SNX29: variants seen among roughly 807,000 people sequenced by gnomAD.
SNX29 encodes the protein sorting nexin-29.
Under a neutral mutation model 102.1 loss-of-function variants are expected in SNX29, and 78 were observed. That is an observed-to-expected ratio of 0.76 (90% CI 0.64 to 0.92). The LOEUF (loss-of-function observed/expected upper bound fraction) is 0.92, where lower values mean the gene tolerates loss of function less well. Among genes scored for constraint, SNX29 ranks in the 40% least tolerant of loss-of-function variants. SNX29 has a pLI of 0.00. For synonymous variants in SNX29, 580 were observed against 414.5 expected, an observed-to-expected ratio of 1.40 and a Z score of -4.85; for missense variants, 1,280 against 1,061.7, an observed-to-expected ratio of 1.21 and a Z score of -2.86.
chr16:12,566,969 C>T (rs572226966), intron 20 of SNX29, among the ~76,000 whole-genome samples: 13 of 152,348 alleles, frequency 8.5e-5, no homozygotes, highest in East Asian at 3.9e-4. Flanking sequence ...GGATCTCACT[C>T]GCACAGTGGC....
intron 20 of SNX29, among the ~76,000 whole-genome samples, chr16:12,557,143 C>T (rs1422684164): frequency 6.6e-6 from 1 of 152,010 alleles, no homozygotes; most frequent in East Asian, 1.9e-4. Flanking sequence ...GTCACTGCCC[C>T]TGGTCACAAT....
At chr16:12,320,467 C>G (rs574233578) in intron 15 of SNX29, among the ~76,000 whole-genome samples, 1 of 152,314 alleles carries the variant, frequency 6.6e-6, no homozygotes, top group African/African-American at 2.4e-5. Context: ...CCATCATCAG[C>G]CCCAAGCTGT....
At chr16:12,528,982 T>A (rs1304481830) in intron 20 of SNX29, among the ~76,000 whole-genome samples, 2 of 152,228 alleles carry the variant, frequency 1.3e-5, no homozygotes, top group Admixed American at 6.5e-5. Context: ...TCACACACAC[T>A]CTTCCATTTT....
At position 12,572,403 on chromosome 16, in the gene SNX29, G is replaced by C; in HGVS notation, c.*3774G>C. On this transcript the variant is annotated 3_prime_UTR_variant, in exon 21 of 21. Coordinates refer to ENST00000566228, the MANE Select transcript of SNX29 (RefSeq NM_032167.5). ...GCTTATATCCCAACAGCCTGAGGCA[G>C]GGCTCTGTGGCCCAGGCCGGCAGTG... 1.9e-6 allele frequency: 2 copies of C among 1,063,610 alleles called. No individual in the cohort carries two copies. The highest frequency in any genetic ancestry group is 2.3e-6 in the Non-Finnish European group (2 of 878,180). 65.9% of individuals were successfully genotyped at this position (1,063,610 alleles called of 1,614,324 possible). A position where few individuals can be genotyped will look rare whatever the true frequency, so the allele number is the denominator to read the frequency against.
chr16:12,552,838 A>G (rs892180882), intron 20 of SNX29, among the ~76,000 whole-genome samples: 7 of 152,186 alleles, frequency 4.6e-5, no homozygotes, highest in African/African-American at 1.4e-4. Context: ...CTGACCTGCC[A>G]GAGAGGAGAG....
chr16:12,571,640 TGAAAGACGACTCAGGAACGG>T lies in SNX29; in HGVS notation c.*3012_*3031del. 5.7e-6 allele frequency: 6 copies of T among 1,058,900 alleles called. No homozygotes were observed. Among genetic ancestry groups the T allele is most frequent in the Non-Finnish European group, 6.9e-6 (6 of 875,412 alleles). 65.6% of individuals were successfully genotyped at this position (1,058,900 alleles called of 1,614,324 possible). On this transcript the variant is annotated 3_prime_UTR_variant, in exon 21 of 21. Coordinates refer to ENST00000566228, the MANE Select transcript of SNX29 (RefSeq NM_032167.5). ...TTCACATCTTTTTTTCTCCCCCAGA[TGAAAGACGACTCAGGAACGG>T]TAGGGCTGGGCAGAGGTGTCTCTCC...
rs1477440302 is a variant in SNX29 at position 12,573,393 on chromosome 16, A to G, written c.*4764A>G. On this transcript the variant is annotated 3_prime_UTR_variant, in exon 21 of 21. Transcript: ENST00000566228. ...AAGTTGCGTATCCTTCCTTATAGCT[A>G]GTTTCTATAGAGAAGTGAAAAAGAA... 1 of 223,602 alleles carries G rather than the reference A, an allele frequency of 4.5e-6. No individual in the cohort carries two copies. The highest frequency in any genetic ancestry group is 8.9e-6 in the Non-Finnish European group (1 of 112,242). The allele number at this position is 223,602 out of a possible 1,614,324, so 13.9% of individuals were successfully genotyped here. A position where few individuals can be genotyped will look rare whatever the true frequency, so the allele number is the denominator to read the frequency against.
intron 5 of SNX29, among the ~76,000 whole-genome samples, chr16:12,043,507 A>T (rs777703231): frequency 6.6e-6 from 1 of 151,924 alleles, no homozygotes. Context: ...AGCGTACGCC[A>T]CCATGCCTGG....
At chr16:12,054,867 CT>C (rs1338223032) in intron 8 of SNX29, among the ~76,000 whole-genome samples, 1 of 152,182 alleles carries the variant, frequency 6.6e-6, no homozygotes, top group East Asian at 1.9e-4. Flanking sequence ...AATGTTTCCC[CT>C]TTTGTTGGGT....
chr16:12,215,653 C>T (rs555478455), intron 14 of SNX29, among the ~76,000 whole-genome samples: 1 of 152,266 alleles, frequency 6.6e-6, no homozygotes, highest in South Asian at 2.1e-4. Flanking sequence ...TAGTTGGGTG[C>T]ACTTAATTAG....
intron 13 of SNX29, among the ~76,000 whole-genome samples, chr16:12,138,232 G>A (rs2054734897): frequency 1.4e-5 from 2 of 147,278 alleles, no homozygotes; most frequent in Non-Finnish European, 1.5e-5. Context: ...TTTTGAGGTG[G>A]AGTCTCACTC....
intron 15 of SNX29, among the ~76,000 whole-genome samples, chr16:12,355,641 C>T (rs2082108704): frequency 6.6e-6 from 1 of 151,978 alleles, no homozygotes; most frequent in African/African-American, 2.4e-5. Context: ...TGACTATAGA[C>T]CATCTGTAGT....
intron 13 of SNX29, among the ~76,000 whole-genome samples, chr16:12,182,027 G>A (rs1473806113): frequency 6.6e-6 from 1 of 152,020 alleles, no homozygotes; most frequent in Non-Finnish European, 1.5e-5. Context: ...AGGACTACAG[G>A]CATGCGCCAC....
chr16:12,539,256 C>G (rs537641305), intron 20 of SNX29, among the ~76,000 whole-genome samples: 1 of 152,198 alleles, frequency 6.6e-6, no homozygotes, highest in South Asian at 2.1e-4. Flanking sequence ...AGCTGTTTTC[C>G]CCTCATTTCC....
intron 14 of SNX29, among the ~76,000 whole-genome samples, chr16:12,264,063 A>G (rs11644788): frequency 0.6 from 90,859 of 152,094 alleles, 27,622 homozygotes; most frequent in Middle Eastern, 0.65. Flanking sequence ...ATGTTAACCT[A>G]CGAGAAAGGT....
chr16:12,277,043 A>G (rs2079273577), intron 14 of SNX29, among the ~76,000 whole-genome samples: 1 of 152,136 alleles, frequency 6.6e-6, no homozygotes, highest in Admixed American at 6.6e-5. Flanking sequence ...AGCAGGCCCT[A>G]CCTCACTGGA....
In SNX29 at chr16:12,398,454, A is replaced by G. The variant is rs763763295; in HGVS notation, c.1908A>G (p.Gly636=). ...CCTTCTCCTGATGGTAGGTGCCTGG[A>G]GATTTGAGTCAAACGTCCGAAGACC... ...ELIDLRGPVP[G]DLSQTSEDQS... Residue 636 remains glycine (G), a synonymous_variant, in exon 17 of 21, where the codon GGA becomes GGG. Transcript: ENST00000566228. The G allele has an allele frequency of 2.2e-5, 35 of 1,613,812 alleles. No homozygotes were observed. The highest frequency in any genetic ancestry group is 1.6e-4 in the Middle Eastern group (1 of 6,084).
chr16:12,263,738 A>T (rs539552753), intron 14 of SNX29, among the ~76,000 whole-genome samples: 2 of 152,158 alleles, frequency 1.3e-5, no homozygotes, highest in African/African-American at 2.4e-5. Flanking sequence ...GAGAGTGACA[A>T]ATTTTGTCTT....
chr16:12,080,186 C>G (rs1278571299), intron 11 of SNX29, among the ~76,000 whole-genome samples: 1 of 152,054 alleles, frequency 6.6e-6, no homozygotes, highest in Non-Finnish European at 1.5e-5. Context: ...GTCATGGTCC[C>G]CCTTGGCTGC....
Sources: gnomAD v4.1 joint callset for allele counts (sites outside exome capture counted in the v4.1 genomes callset) on GRCh38, gnomAD v4.1.1 for gene constraint, MANE v1.5 for transcripts, NCBI Gene and HGNC (gene_info 2026-07-23, HGNC 2026-07-21) for gene names.